The following GRIK4 variants were observed in gnomAD, a reference collection of about 807,000 sequenced individuals.
GRIK4 encodes glutamate receptor ionotropic, kainate 4.
GRIK4 carries 40 observed loss-of-function variants against 104.9 expected under a neutral mutation model. That is an observed-to-expected ratio of 0.38 (90% CI 0.30 to 0.50). GRIK4 has a LOEUF of 0.50. GRIK4 is among the 20% of genes least tolerant of loss of function. The probability of loss-of-function intolerance (pLI) is 0.93; values close to 1 mark genes in which losing one functional copy is unlikely to be tolerated. For synonymous variants in GRIK4, 485 were observed against 524.9 expected, an observed-to-expected ratio of 0.92 and a Z score of 1.04; for missense variants, 1,047 against 1,308.1, an observed-to-expected ratio of 0.80 and a Z score of 3.08.
intron 3 of GRIK4, among the ~76,000 whole-genome samples, chr11:120,799,013 T>C (rs1217349571): frequency 1.3e-5 from 2 of 152,142 alleles, no homozygotes; most frequent in Admixed American, 1.3e-4. Flanking sequence ...CCCTTTGGTG[T>C]GTGCTGCCTC....
At chr11:120,697,865 C>A (rs1219910062) in intron 3 of GRIK4, among the ~76,000 whole-genome samples, 1 of 152,142 alleles carries the variant, frequency 6.6e-6, no homozygotes, top group Non-Finnish European at 1.5e-5. Flanking sequence ...GCTAGAGTGG[C>A]CTCGATGGAG....
intron 3 of GRIK4, among the ~76,000 whole-genome samples, chr11:120,745,743 G>A (rs1196088668): frequency 6.6e-6 from 1 of 152,190 alleles, no homozygotes; most frequent in African/African-American, 2.4e-5. Context: ...GATCTTTTGG[G>A]AATTGGTGAT....
chr11:120,652,104 G>T (rs1303012571), intron 1 of GRIK4, among the ~76,000 whole-genome samples: 1 of 152,186 alleles, frequency 6.6e-6, no homozygotes, highest in Non-Finnish European at 1.5e-5. Context: ...GGGGAGGATG[G>T]CAGTTAGGAT....
chr11:120,637,671 C>T (rs981930131), intron 1 of GRIK4, among the ~76,000 whole-genome samples: 4 of 152,002 alleles, frequency 2.6e-5, no homozygotes, highest in Admixed American at 6.6e-5. Context: ...TTTCTTGCGG[C>T]GATCTGAAGC....
chr11:120,858,630 C>T (rs1026381484), intron 8 of GRIK4: 12 of 152,158 alleles, frequency 7.9e-5, no homozygotes, highest in Non-Finnish European at 1.6e-4. Context: ...TGTTTTCCAG[C>T]CTTATCTGAG....
At chr11:120,685,727 G>T (rs1950265095) in intron 3 of GRIK4, among the ~76,000 whole-genome samples, 1 of 152,160 alleles carries the variant, frequency 6.6e-6, no homozygotes, top group South Asian at 2.1e-4. Flanking sequence ...AGCAGTTGCA[G>T]TTCTGAAGCT....
intron 1 of GRIK4, chr11:120,514,935 C>T (rs1242725203): frequency 2.9e-5 from 13 of 456,090 alleles, no homozygotes; most frequent in Admixed American, 1.9e-4. Context: ...CTTGTTGGGC[C>T]TCCAGCCTCA....
At chr11:120,692,587 A>G (rs1331891632) in intron 3 of GRIK4, among the ~76,000 whole-genome samples, 3 of 152,168 alleles carry the variant, frequency 2.0e-5, no homozygotes, top group Admixed American at 2.0e-4. Flanking sequence ...GCTGAGTTAA[A>G]GCTGGCCGGA....
At chr11:120,526,452 C>T (rs1392117360) in intron 1 of GRIK4, among the ~76,000 whole-genome samples, 1 of 152,220 alleles carries the variant, frequency 6.6e-6, no homozygotes. Flanking sequence ...CCCACCTCGG[C>T]CTCTCAAAGC....
At chr11:120,706,897 C>G (rs756353019) in intron 3 of GRIK4, among the ~76,000 whole-genome samples, 1 of 152,096 alleles carries the variant, frequency 6.6e-6, no homozygotes, top group Admixed American at 6.5e-5. Context: ...GTTAGGATCA[C>G]CATATGAACG....
intron 1 of GRIK4, among the ~76,000 whole-genome samples, chr11:120,652,351 G>A (rs1949631646): frequency 6.6e-6 from 1 of 152,208 alleles, no homozygotes; most frequent in Admixed American, 6.5e-5. Context: ...CCAGGTTCCT[G>A]ATTCCTGGGA....
At position 120,898,737 on chromosome 11, in the gene GRIK4, C is replaced by A. The variant is rs1315560593; in HGVS notation, c.1272+98C>A. The stretch of plus-strand genomic sequence containing the variant: ...GCCCCTTGAACAGAAGATGGGAGCT[C>A]TAATCACAGCACTGAGCCCAATTTA... On this transcript the variant is annotated intron_variant, in intron 12 of 20. Coordinates refer to ENST00000527524, the MANE Select transcript of GRIK4 (RefSeq NM_014619.5). 1.1e-4 allele frequency: 78 copies of A among 711,608 alleles called. 1 individual carries two copies. The East Asian group carries it at 2.0e-3, about 18-fold the overall frequency. 44.1% of individuals were successfully genotyped at this position (711,608 alleles called of 1,614,324 possible). A position where few individuals can be genotyped will look rare whatever the true frequency, so the allele number is the denominator to read the frequency against.
At chr11:120,919,167 G>C (rs1194896907) in intron 13 of GRIK4, among the ~76,000 whole-genome samples, 2 of 152,338 alleles carry the variant, frequency 1.3e-5, no homozygotes, top group East Asian at 3.9e-4. Context: ...GGAGGAGAGA[G>C]TTGCCGGCAG....
chr11:120,762,736 A>C (rs955002781), intron 3 of GRIK4, among the ~76,000 whole-genome samples: 1 of 152,184 alleles, frequency 6.6e-6, no homozygotes, highest in African/African-American at 2.4e-5. Flanking sequence ...GTGTTGGATT[A>C]CGTTTATTGA....
At chr11:120,522,036 T>C (rs1947801550) in intron 1 of GRIK4, among the ~76,000 whole-genome samples, 1 of 152,236 alleles carries the variant, frequency 6.6e-6, no homozygotes, top group African/African-American at 2.4e-5. Context: ...TGTCCCACTT[T>C]ACACATGAGG....
intron 6 of GRIK4, among the ~76,000 whole-genome samples, chr11:120,830,551 A>C (rs1282880572): frequency 1.3e-5 from 2 of 152,144 alleles, no homozygotes; most frequent in Non-Finnish European, 2.9e-5. Context: ...CCCATCAGCC[A>C]GTACAGAAAC....
chr11:120,550,614 G>T (rs1948130858), intron 1 of GRIK4, among the ~76,000 whole-genome samples: 1 of 152,154 alleles, frequency 6.6e-6, no homozygotes, highest in African/African-American at 2.4e-5. Flanking sequence ...GAGCCCTGCA[G>T]TGGACATGGA....
At chr11:120,605,916 G>A (rs1002766694) in intron 1 of GRIK4, among the ~76,000 whole-genome samples, 3 of 152,226 alleles carry the variant, frequency 2.0e-5, no homozygotes, top group East Asian at 1.9e-4. Context: ...GGGAAAGACC[G>A]CACAGGCGGT....
At chr11:120,603,046 C>G (rs1344802417) in intron 1 of GRIK4, among the ~76,000 whole-genome samples, 1 of 152,294 alleles carries the variant, frequency 6.6e-6, no homozygotes, top group East Asian at 1.9e-4. Context: ...CGATACAGGC[C>G]TGAAGGTAGG....
Sources: gnomAD v4.1 joint callset for allele counts (sites outside exome capture counted in the v4.1 genomes callset) on GRCh38, gnomAD v4.1.1 for gene constraint, MANE v1.5 for transcripts, NCBI Gene and HGNC (gene_info 2026-07-23, HGNC 2026-07-21) for gene names.